Variants in NLRP2 observed in about 807,000 individuals in gnomAD.
NLRP2 encodes NLR family pyrin domain containing 2.
Under a neutral mutation model 97.2 loss-of-function variants are expected in NLRP2, and 107 were observed. That is an observed-to-expected ratio of 1.10 (90% CI 0.94 to 1.29). The LOEUF (loss-of-function observed/expected upper bound fraction) is 1.29, where lower values mean the gene tolerates loss of function less well. Ranked by LOEUF, NLRP2 falls within the 50% of genes most tolerant of loss-of-function variation. The pLI, the probability that NLRP2 is intolerant of heterozygous loss-of-function variation, is 0.00. For synonymous variants in NLRP2, 663 were observed against 551.5 expected (o/e 1.20, Z -2.83); for missense variants, 1,495 against 1,330.3 (o/e 1.12, Z -1.93).
Position 54,993,632 on chromosome 19 carries a change from G to T in NLRP2, c.2709-637G>T, listed in dbSNP as rs569728310. 2.5e-5 allele frequency: 4 copies of T among 161,378 alleles called. No individual in the cohort carries two copies. In the South Asian group the frequency reaches 7.0e-4, roughly 28 times the overall value. 10.0% of individuals were successfully genotyped at this position (161,378 alleles called of 1,614,324 possible). ...GGCCAGGGTGGGCAGATCATCTGAG[G>T]TCGGGAGTTCAAGACCAGCCTGGCC... On this transcript the variant is annotated intron_variant, in intron 10 of 12. Coordinates refer to ENST00000448584, the MANE Select transcript of NLRP2 (RefSeq NM_017852.5).
At chr19:54,993,904 G>C in intron 10 of NLRP2, 3 of 337,842 alleles carry the variant, frequency 8.9e-6, no homozygotes, top group Non-Finnish European at 1.7e-5. Context: ...TCCAACTTCG[G>C]CAGAGCATCT....
intron 1 of NLRP2, among the ~76,000 whole-genome samples, chr19:54,969,089 T>A (rs191992833): frequency 1.2e-4 from 18 of 152,244 alleles, no homozygotes; most frequent in African/African-American, 4.3e-4. Context: ...CCTTATCTGA[T>A]CTATGCTTGT....
At chr19:54,996,911 TTTG>T (rs970120833) in intron 11 of NLRP2, among the ~76,000 whole-genome samples, 1 of 150,812 alleles carries the variant, frequency 6.6e-6, no homozygotes, top group African/African-American at 2.4e-5. Flanking sequence ...GCGGAGACGT[TTTG>T]TTTGTTTTTT....
rs1165347218 is a variant in NLRP2, at chr19:54,990,044, A to T, written c.2389A>T (p.Thr797Ser). The stretch of plus-strand genomic sequence containing the variant: ...CAGGTTGGTGTCTTGTTCCGCTACC[A>T]CTCAGCAGTGGGCTGATCTCTCCTT... ...YLGLVSCSAT[T>S]QQWADLSLAL... Residue 797 changes from threonine to serine, a missense_variant, in exon 9 of 13, where the codon ACT (threonine) becomes TCT (serine). Transcript: ENST00000448584. 1 of 1,613,342 alleles carries T rather than the reference A, an allele frequency of 6.2e-7. No individual in the cohort carries two copies. Among genetic ancestry groups the T allele is most frequent in the South Asian group, 1.1e-5 (1 of 91,044 alleles).
chr19:54,973,984 G>A (rs1310263735), intron 2 of NLRP2: 7 of 1,227,174 alleles, frequency 5.7e-6, no homozygotes, highest in African/African-American at 3.0e-5. Context: ...TCCGGAAAAA[G>A]GCTAAAACTA....
intron 4 of NLRP2, among the ~76,000 whole-genome samples, chr19:54,980,440 C>T (rs559176256): frequency 1.5e-3 from 227 of 151,868 alleles, no homozygotes; most frequent in African/African-American, 5.1e-3. Flanking sequence ...ATGATCCACC[C>T]GCCTTGGCCT....
chr19:54,967,246 G>C (rs1327917630), intron 1 of NLRP2, among the ~76,000 whole-genome samples: 1 of 152,078 alleles, frequency 6.6e-6, no homozygotes, highest in Non-Finnish European at 1.5e-5. Context: ...GCTTTGGGAG[G>C]CCGAGGCGGG....
chr19:54,972,233 G>T (rs2070908703), intron 2 of NLRP2, among the ~76,000 whole-genome samples: 2 of 152,026 alleles, frequency 1.3e-5, no homozygotes, highest in South Asian at 2.1e-4. Flanking sequence ...CCAGGATGGA[G>T]TGCAGCAGCA....
chr19:54,988,148 A>C (rs562854371), intron 8 of NLRP2, among the ~76,000 whole-genome samples: 363 of 152,306 alleles, frequency 2.4e-3, no homozygotes, highest in African/African-American at 8.4e-3. Flanking sequence ...AGGTATTGGA[A>C]GGTTGAATGA....
At position 54,987,751 on chromosome 19, in the gene NLRP2, A is replaced by T. The variant is rs368132340; in HGVS notation, c.2366+1436A>T. Among the ~76,000 whole-genome samples the T allele has an allele frequency of 1.1e-3, 162 of 150,982 alleles. 1 individual carries two copies. Among genetic ancestry groups the T allele is most frequent in the African/African-American group, 2.1e-3 (87 of 41,210 alleles). On this transcript the variant is annotated intron_variant, in intron 8 of 12. Transcript: ENST00000448584. ...TGTGAGACTGTCTCAAAAAAAAAAA[A>T]AAAAATCTTGGCTGGGTGCGGTAGC...
In NLRP2 at chr19:54,991,850, CA is replaced by C. The variant is rs111877236; in HGVS notation, c.2708+1193del. 5.0e-3 allele frequency among the ~76,000 whole-genome samples: 554 copies of C among 110,100 alleles called. 6 individuals are homozygous for C. The South Asian group carries it at 0.058, about 12-fold the overall frequency. The allele number at this position is 110,100 out of a possible 152,430, so 72.2% of individuals were successfully genotyped here. ...CCTGGGTGACAGAACGAGATTGTCTCAAAAAAAAAAAAAAATTGTATCTGCA... is the reference window on the plus strand; with the variant it reads ...CCTGGGTGACAGAACGAGATTGTCTCAAAAAAAAAAAAAATTGTATCTGCA... On this transcript the variant is annotated intron_variant, in intron 10 of 12. Transcript: ENST00000448584.
Position 54,994,248 on chromosome 19 carries a change from C to T in NLRP2, c.2709-21C>T, listed in dbSNP as rs149800352. The T allele has an allele frequency of 3.2e-4, 522 of 1,613,810 alleles. No individual in the cohort carries two copies. The African/African-American group carries it at 6.4e-3, about 20-fold the overall frequency. ...GAACTCACAGGTTCGGGTTTGCTTTCTTCCTGTGGTTGATTTCTAGGCTTT... is the reference window on the plus strand; with the variant it reads ...GAACTCACAGGTTCGGGTTTGCTTTTTTCCTGTGGTTGATTTCTAGGCTTT... On this transcript the variant is annotated intron_variant, in intron 10 of 12. Coordinates refer to ENST00000448584, the MANE Select transcript of NLRP2 (RefSeq NM_017852.5).
rs2071767812 is a variant in NLRP2, at chr19:54,983,298, G to A, written c.1600G>A (p.Asp534Asn). The A allele has an allele frequency of 1.2e-6, 2 of 1,614,190 alleles. No homozygotes were observed. The highest frequency in any genetic ancestry group is 1.7e-6 in the Non-Finnish European group (2 of 1,180,026). ...DRDGHTWDIG[D>N]VQKLLSGVER... ...GGACGGCCACACCTGGGACATTGGG[G>A]ACGTACAGAAGCTGCTTTCCGGAGT... Residue 534 changes from aspartate to asparagine, a missense_variant, in exon 6 of 13, where the codon GAC (aspartate) becomes AAC (asparagine). Coordinates refer to ENST00000448584, the MANE Select transcript of NLRP2 (RefSeq NM_017852.5).
chr19:54,967,041 A>G lies in NLRP2; in HGVS notation c.-18+574A>G, dbSNP rs376707635. On this transcript the variant is annotated intron_variant, in intron 1 of 12. Transcript: ENST00000448584. Reference sequence around the variant, plus strand: ...ATATTATTATTACCACTGTTTGCAGAGACTCACTAGATGTAGGGTCTTAAT... The same window carrying G: ...ATATTATTATTACCACTGTTTGCAGGGACTCACTAGATGTAGGGTCTTAAT... 3.3e-5 allele frequency among the ~76,000 whole-genome samples: 5 copies of G among 151,460 alleles called. No homozygotes were observed. The South Asian group carries it at 6.3e-4, about 19-fold the overall frequency.
intron 12 of NLRP2, among the ~76,000 whole-genome samples, chr19:54,999,024 C>T (rs113783370): frequency 1.3e-5 from 2 of 150,462 alleles, no homozygotes; most frequent in African/African-American, 2.5e-5. Context: ...GGCTGACCCC[C>T]CCACCTCCCT....
intron 3 of NLRP2, among the ~76,000 whole-genome samples, chr19:54,975,795 G>A (rs901114711): frequency 1.3e-4 from 19 of 151,708 alleles, no homozygotes; most frequent in South Asian, 8.3e-4. Context: ...GTGTTGCTCC[G>A]GCTTGATTGC....
chr19:54,968,662 G>A (rs1020140943), intron 1 of NLRP2, among the ~76,000 whole-genome samples: 1 of 144,368 alleles, frequency 6.9e-6, no homozygotes, highest in Admixed American at 7.1e-5. Flanking sequence ...ACACACCTGT[G>A]TCCTGAGACC....
At chr19:54,981,509 G>GGCCCCCCCCCCCCCCCCCCCCCCCCCCCC in intron 4 of NLRP2, 108 bp from the exon 5 acceptor site, 4 of 386,504 alleles carry the variant, frequency 1.0e-5, no homozygotes, top group Non-Finnish European at 1.6e-5. Flanking sequence ...CTGATCCCGT[G>GGCCCCCCCCCCCCCCCCCCCCCCCCCCCC]CCCCCCCTCC....
At chr19:54,966,686 C>A (rs2070441876) in intron 1 of NLRP2, among the ~76,000 whole-genome samples, 1 of 151,972 alleles carries the variant, frequency 6.6e-6, no homozygotes, top group Non-Finnish European at 1.5e-5. Flanking sequence ...GCTGAGACTA[C>A]AGGCACCTGC....
Sources: gnomAD v4.1 joint callset for allele counts (sites outside exome capture counted in the v4.1 genomes callset) on GRCh38, gnomAD v4.1.1 for gene constraint, MANE v1.5 for transcripts, NCBI Gene and HGNC (gene_info 2026-07-23, HGNC 2026-07-21) for gene names.